The following NRXN1 variants were observed in gnomAD, a reference collection of about 807,000 sequenced individuals.
NRXN1 encodes the protein neurexin-1.
NRXN1 carries 39 observed loss-of-function variants against 150.9 expected under a neutral mutation model. The ratio of observed to expected loss-of-function variants is 0.26; its 90% CI spans 0.20 to 0.34. The LOEUF (loss-of-function observed/expected upper bound fraction) is 0.34. Among genes scored for constraint, NRXN1 ranks in the 10% least tolerant of loss-of-function variants. The probability of loss-of-function intolerance (pLI) is 1.00; values close to 1 mark genes in which losing one functional copy is unlikely to be tolerated. For synonymous variants in NRXN1, 924 were observed against 757.0 expected (o/e 1.22, Z -3.62); for missense variants, 1,815 against 1,949.9 (o/e 0.93, Z 1.30).
At chr2:50,109,467 C>T (rs1702092299) in intron 18 of NRXN1, among the ~76,000 whole-genome samples, 1 of 152,090 alleles carries the variant, frequency 6.6e-6, no homozygotes, top group African/African-American at 2.4e-5. Flanking sequence ...ACAGAAATGG[C>T]ATTGCTTTGA....
intron 5 of NRXN1, among the ~76,000 whole-genome samples, chr2:50,908,139 C>T (rs541120946): frequency 6.6e-6 from 1 of 151,916 alleles, no homozygotes; most frequent in Non-Finnish European, 1.5e-5. Flanking sequence ...TTGCATAGGA[C>T]CCTTAGTAGA....
intron 5 of NRXN1, among the ~76,000 whole-genome samples, chr2:50,752,706 G>GAA (rs528734197): frequency 8.7e-5 from 12 of 137,906 alleles, no homozygotes; most frequent in East Asian, 2.1e-4. Context: ...TGATAAAAGT[G>GAA]AAAAAAAAAA....
intron 8 of NRXN1, among the ~76,000 whole-genome samples, chr2:50,598,943 T>C (rs1675783943): frequency 6.6e-6 from 1 of 151,710 alleles, no homozygotes; most frequent in Admixed American, 6.6e-5. Flanking sequence ...TGTTTTGTTT[T>C]GTACTTTTAG....
At chr2:50,432,807 C>T (rs1298293650) in intron 17 of NRXN1, among the ~76,000 whole-genome samples, 1 of 152,190 alleles carries the variant, frequency 6.6e-6, no homozygotes, top group Non-Finnish European at 1.5e-5. Context: ...TTCCTGATAG[C>T]ATCCAATACA....
intron 17 of NRXN1, among the ~76,000 whole-genome samples, chr2:50,380,082 C>A (rs937296076): frequency 1.3e-5 from 2 of 152,074 alleles, no homozygotes; most frequent in Non-Finnish European, 2.9e-5. Context: ...GATGAAATGT[C>A]TCTAAGAATA....
intron 5 of NRXN1, among the ~76,000 whole-genome samples, chr2:50,748,057 T>C (rs1700199622): frequency 6.6e-6 from 1 of 152,164 alleles, no homozygotes; most frequent in Non-Finnish European, 1.5e-5. Flanking sequence ...ATCACTTCCC[T>C]TAGTATTCAA....
At chr2:50,468,858 A>G (rs940170661) in intron 16 of NRXN1, among the ~76,000 whole-genome samples, 2 of 151,618 alleles carry the variant, frequency 1.3e-5, no homozygotes, top group African/African-American at 4.8e-5. Flanking sequence ...TATTCCCACC[A>G]GTGTTTAATC....
intron 17 of NRXN1, among the ~76,000 whole-genome samples, chr2:50,302,688 A>G (rs1020946457): frequency 6.6e-6 from 1 of 152,190 alleles, no homozygotes; most frequent in Admixed American, 6.5e-5. Context: ...TTCTGCAAAC[A>G]TGAGCACCAA....
chr2:50,768,480 T>TA (rs1702616190), intron 5 of NRXN1, among the ~76,000 whole-genome samples: 1 of 151,666 alleles, frequency 6.6e-6, no homozygotes, highest in African/African-American at 2.4e-5. Context: ...TTTTTTTTTT[T>TA]AATTTTAGTA....
intron 19 of NRXN1, among the ~76,000 whole-genome samples, chr2:50,055,787 G>A (rs1430625881): frequency 2.0e-5 from 3 of 152,076 alleles, no homozygotes; most frequent in African/African-American, 4.8e-5. Context: ...ATAATTATAT[G>A]TATGTTTTTA....
At chr2:50,026,800 T>C (rs1006610173) in intron 21 of NRXN1, among the ~76,000 whole-genome samples, 1 of 149,500 alleles carries the variant, frequency 6.7e-6, no homozygotes, top group Admixed American at 6.7e-5. Context: ...CTCACAGAAA[T>C]TAGCTGATTT....
rs1227585493 is a variant in NRXN1 at position 50,329,648 on chromosome 2, TATATATATATATATATATATATATA to T, written c.3365-92703_3365-92679del. Among the ~76,000 whole-genome samples, 64 of 10,108 alleles carry T rather than the reference TATATATATATATATATATATATATA, an allele frequency of 6.3e-3. 1 individual carries two copies. The East Asian group carries it at 0.068, about 11-fold the overall frequency. 6.6% of individuals were successfully genotyped at this position (10,108 alleles called of 152,430 possible). On this transcript the variant is annotated intron_variant, in intron 17 of 22. Coordinates refer to ENST00000401669, the MANE Select transcript of NRXN1 (RefSeq NM_001330078.2). ...ATATATATATATATATATATATATA[TATATATATATATATATATATATATA>T]TTTTTTTTTTTCCCCCCCGAGACGG... is the stretch of plus-strand genomic sequence containing the variant.
intron 21 of NRXN1, among the ~76,000 whole-genome samples, chr2:49,982,719 G>A (rs771856421): frequency 1.3e-5 from 2 of 151,972 alleles, no homozygotes; most frequent in Admixed American, 1.3e-4. Context: ...TGGATGTATT[G>A]TAATGTACAT....
chr2:50,290,194 A>G (rs930658610), intron 17 of NRXN1, among the ~76,000 whole-genome samples: 1 of 152,188 alleles, frequency 6.6e-6, no homozygotes, highest in African/African-American at 2.4e-5. Flanking sequence ...GCGCAAAATA[A>G]TTAACGACAA....
intron 2 of NRXN1, among the ~76,000 whole-genome samples, chr2:50,976,489 C>T (rs1015775952): frequency 2.0e-5 from 3 of 151,832 alleles, no homozygotes; most frequent in Non-Finnish European, 4.4e-5. Flanking sequence ...AAATGTTATC[C>T]CTTTTTGATT....
intron 2 of NRXN1, among the ~76,000 whole-genome samples, chr2:50,931,472 G>C (rs1687736382): frequency 6.6e-6 from 1 of 151,874 alleles, no homozygotes; most frequent in Non-Finnish European, 1.5e-5. Flanking sequence ...TTATTTATAT[G>C]ATATGACCGA....
intron 18 of NRXN1, among the ~76,000 whole-genome samples, chr2:50,156,752 C>T (rs2059045184): frequency 6.6e-6 from 1 of 151,830 alleles, no homozygotes. Flanking sequence ...CAAATCCTAC[C>T]CTTTTCCTAA....
At chr2:50,122,933 T>C (rs533090735) in intron 18 of NRXN1, among the ~76,000 whole-genome samples, 63 of 152,356 alleles carry the variant, frequency 4.1e-4, no homozygotes, top group African/African-American at 1.3e-3. Context: ...TTTGGTTTCA[T>C]TGAATCTTTC....
intron 17 of NRXN1, among the ~76,000 whole-genome samples, chr2:50,396,462 T>A (rs1339375406): frequency 6.6e-6 from 1 of 152,156 alleles, no homozygotes; most frequent in Non-Finnish European, 1.5e-5. Context: ...ACAAAGCAAA[T>A]ATATACATAT....
Sources: gnomAD v4.1 joint callset for allele counts (sites outside exome capture counted in the v4.1 genomes callset) on GRCh38, gnomAD v4.1.1 for gene constraint, MANE v1.5 for transcripts, NCBI Gene and HGNC (gene_info 2026-07-23, HGNC 2026-07-21) for gene names.